FKTN: variants seen among roughly 807,000 people sequenced by gnomAD.
The protein encoded by FKTN is fukutin.
In FKTN, 47 loss-of-function variants were observed where a neutral mutation model predicts 58.6. The ratio of observed to expected loss-of-function variants is 0.80; its 90% CI spans 0.63 to 1.02. The LOEUF is 1.02. FKTN is among the 50% of genes least tolerant of loss of function. The pLI, the probability that FKTN is intolerant of heterozygous loss-of-function variation, is 0.00. For missense variants in FKTN, 516 were observed against 537.3 expected, an observed-to-expected ratio of 0.96 and a Z score of 0.39; for synonymous variants, 178 against 191.9, an observed-to-expected ratio of 0.93 and a Z score of 0.60.
intron 1 of FKTN, among the ~76,000 whole-genome samples, 195 bp from the exon 2 acceptor site, chr9:105,573,460 C>T (rs566513685): frequency 6.6e-6 from 1 of 152,010 alleles, no homozygotes; most frequent in African/African-American, 2.4e-5. Context: ...CCTGTCTTTA[C>T]AAATAAATTT....
chr9:105,579,897 A>G (rs1003684958), intron 3 of FKTN, among the ~76,000 whole-genome samples: 1 of 151,866 alleles, frequency 6.6e-6, no homozygotes, highest in Non-Finnish European at 1.5e-5. Flanking sequence ...TTCTTGTTGA[A>G]TTGATCCCTT....
chr9:105,597,098 T>C (rs1479905527), intron 4 of FKTN, among the ~76,000 whole-genome samples: 3 of 152,200 alleles, frequency 2.0e-5, no homozygotes, highest in Non-Finnish European at 4.4e-5. Flanking sequence ...ATATATACAA[T>C]ATATCCTTGT....
At chr9:105,578,570 G>C (rs944248623) in intron 3 of FKTN, among the ~76,000 whole-genome samples, 2 of 150,412 alleles carry the variant, frequency 1.3e-5, no homozygotes, top group African/African-American at 4.9e-5. Context: ...GATTCGGTTT[G>C]CCAGTATTTT....
Position 105,637,324 on chromosome 9 carries a change from T to A in FKTN, c.*2060T>A. 1.0e-6 allele frequency: 1 copy of A among 985,250 alleles called. No individual in the cohort carries two copies. The highest frequency in any genetic ancestry group is 1.2e-6 in the Non-Finnish European group (1 of 829,780). 61.0% of individuals were successfully genotyped at this position (985,250 alleles called of 1,614,324 possible). On this transcript the variant is annotated 3_prime_UTR_variant, in exon 11 of 11. Coordinates refer to ENST00000357998, the MANE Select transcript of FKTN (RefSeq NM_001079802.2). ...CCTGAAGTACAAAGTCTTAAGAGTG[T>A]CTGAAATCCAAGACATCTTGGCCCA...
intron 1 of FKTN, among the ~76,000 whole-genome samples, chr9:105,559,453 G>A (rs535579449): frequency 6.6e-6 from 1 of 152,204 alleles, no homozygotes; most frequent in East Asian, 1.9e-4. Context: ...AGGCTGAGGC[G>A]GGTGGATCAC....
intron 1 of FKTN, among the ~76,000 whole-genome samples, chr9:105,569,232 T>C (rs1840289791): frequency 6.6e-6 from 1 of 152,138 alleles, no homozygotes; most frequent in Admixed American, 6.5e-5. Flanking sequence ...GGCACATGTA[T>C]ACATATGTAA....
chr9:105,598,139 C>A (rs1291124000), intron 4 of FKTN: 5 of 468,352 alleles, frequency 1.1e-5, no homozygotes, highest in African/African-American at 1.0e-4. Context: ...GTCTTTACTT[C>A]CACGGTACGC....
intron 6 of FKTN, among the ~76,000 whole-genome samples, chr9:105,607,158 T>C (rs946839683): frequency 1.3e-5 from 2 of 152,110 alleles, no homozygotes; most frequent in Non-Finnish European, 2.9e-5. Flanking sequence ...TAAAATTTTA[T>C]ATGAGTAGGA....
chr9:105,634,739 C>A (rs1476321987), intron 10 of FKTN, among the ~76,000 whole-genome samples: 1 of 152,180 alleles, frequency 6.6e-6, no homozygotes, highest in South Asian at 2.1e-4. Flanking sequence ...ACAGTTCCAA[C>A]AGAAAGCCCA....
At chr9:105,609,374 A>G (rs925092903) in intron 7 of FKTN, among the ~76,000 whole-genome samples, 1 of 152,122 alleles carries the variant, frequency 6.6e-6, no homozygotes, top group Non-Finnish European at 1.5e-5. Flanking sequence ...TGGGAGTAAG[A>G]TGTTGACCAC....
In FKTN at chr9:105,594,341, G is replaced by A. The variant is rs116546192; in HGVS notation, c.106-2257G>A. On this transcript the variant is annotated intron_variant, in intron 3 of 10. Transcript: ENST00000357998. ...ATGCCATAAGTTGAAAGATAGGATA[G>A]GGAGGTGTTAGAAAAAAGGGGGAAA... Among the ~76,000 whole-genome samples the A allele has an allele frequency of 9.1e-3, 1,385 of 152,270 alleles. 22 individuals carry two copies. The highest frequency in any genetic ancestry group is 0.032 in the African/African-American group (1,327 of 41,544).
rs773595290 is a variant in FKTN, at chr9:105,637,399, A to G, written c.*2135A>G. ...CCTACATAGACCACTGGCTGCTGAA[A>G]TACTTTTCTTGTCTTCTGGTTTCAC... On this transcript the variant is annotated 3_prime_UTR_variant, in exon 11 of 11. Coordinates refer to ENST00000357998, the MANE Select transcript of FKTN (RefSeq NM_001079802.2). The G allele has an allele frequency of 3.0e-6, 3 of 985,308 alleles. No individual in the cohort carries two copies. Among genetic ancestry groups the G allele is most frequent in the East Asian group, 1.1e-4 (1 of 8,830 alleles). The allele number at this position is 985,308 out of a possible 1,614,324, so 61.0% of individuals were successfully genotyped here.
intron 1 of FKTN, among the ~76,000 whole-genome samples, chr9:105,567,286 G>T (rs772819645): frequency 6.6e-6 from 1 of 152,134 alleles, no homozygotes; most frequent in African/African-American, 2.4e-5. Context: ...TGGTGTTGGA[G>T]GTTCTGGCCA....
intron 1 of FKTN, among the ~76,000 whole-genome samples, chr9:105,565,601 G>A (rs201195456): frequency 0.12 from 17,828 of 149,504 alleles, 1,462 homozygotes; most frequent in East Asian, 0.45. Flanking sequence ...AGAGCTAACT[G>A]TCTTAAATAT....
At chr9:105,629,563 A>G (rs1833145013) in intron 10 of FKTN, among the ~76,000 whole-genome samples, 1 of 152,198 alleles carries the variant, frequency 6.6e-6, no homozygotes, top group Non-Finnish European at 1.5e-5. Flanking sequence ...TATTAGATCT[A>G]GTTCTGGGAA....
chr9:105,598,061 C>A (rs759680361), intron 4 of FKTN: 3 of 427,712 alleles, frequency 7.0e-6, no homozygotes, highest in Non-Finnish European at 1.4e-5. Context: ...AAAAAAGTAG[C>A]GTGACTCTAT....
chr9:105,562,903 C>G (rs114097596), intron 1 of FKTN, among the ~76,000 whole-genome samples: 1 of 152,292 alleles, frequency 6.6e-6, no homozygotes, highest in East Asian at 1.9e-4. Flanking sequence ...TGGCTAGGCT[C>G]TCACATATCA....
intron 3 of FKTN, among the ~76,000 whole-genome samples, chr9:105,596,197 A>G (rs916457806): frequency 2.0e-5 from 3 of 152,228 alleles, no homozygotes; most frequent in Non-Finnish European, 4.4e-5. Context: ...AATAAACATT[A>G]GTATACTTTA....
intron 6 of FKTN, among the ~76,000 whole-genome samples, chr9:105,604,899 T>G (rs1483455117): frequency 2.0e-5 from 3 of 150,162 alleles, no homozygotes; most frequent in Non-Finnish European, 4.4e-5. Context: ...GAGGTTGTAG[T>G]GAGCCGAGAT....
Sources: allele counts gnomAD v4.1 joint callset (sites outside exome capture counted in the v4.1 genomes callset), GRCh38; gene constraint gnomAD v4.1.1; transcripts MANE v1.5; gene names NCBI Gene and HGNC (gene_info 2026-07-23, HGNC 2026-07-21).